Variants in MGMT observed in about 807,000 individuals in gnomAD.
MGMT encodes O-6-methylguanine-DNA methyltransferase.
Under a neutral mutation model 15.9 loss-of-function variants are expected in MGMT, and 14 were observed. The observed-to-expected ratio is 0.88, with a 90% CI of 0.58 to 1.37. The LOEUF is 1.37. Ranked by LOEUF, MGMT falls within the 40% of genes most tolerant of loss-of-function variation. The pLI is 0.00. For missense variants in MGMT, 282 were observed against 268.1 expected, an observed-to-expected ratio of 1.05 and a Z score of -0.36; for synonymous variants, 130 against 118.2, an observed-to-expected ratio of 1.10 and a Z score of -0.65.
In MGMT at chr10:129,516,840, T is replaced by C. The variant is rs1245864637; in HGVS notation, c.-12-19401T>C. On this transcript the variant is annotated intron_variant, in intron 1 of 4. Transcript: ENST00000651593. ...CAGCCAGGTTTTTGTCGTTAGCTTA[T>C]GGGTCGCTAATGTTATGTGCACTCA... Among the ~76,000 whole-genome samples the C allele has an allele frequency of 9.8e-5, 15 of 152,332 alleles. No homozygotes were observed. In the Middle Eastern group the frequency reaches 0.024, roughly 242 times the overall value.
intron 2 of MGMT, chr10:129,700,018 G>A (rs1479501688): frequency 6.6e-6 from 1 of 152,084 alleles, no homozygotes; most frequent in African/African-American, 2.4e-5. Context: ...TATTTTTGAT[G>A]TTTTGTGCGT....
chr10:129,554,432 T>C (rs1252541234), intron 2 of MGMT, among the ~76,000 whole-genome samples: 1 of 152,226 alleles, frequency 6.6e-6, no homozygotes, highest in East Asian at 1.9e-4. Flanking sequence ...TTAAGCATGA[T>C]TTTTCAAGGT....
chr10:129,583,189 C>G (rs931287673), intron 2 of MGMT, among the ~76,000 whole-genome samples: 1 of 152,146 alleles, frequency 6.6e-6, no homozygotes. Flanking sequence ...CTTGGGTGTA[C>G]TTTATTTAAC....
chr10:129,592,587 G>A (rs577255050), intron 2 of MGMT, among the ~76,000 whole-genome samples: 1 of 152,306 alleles, frequency 6.6e-6, no homozygotes, highest in South Asian at 2.1e-4. Context: ...TGGAAACTGT[G>A]GTTTGGGAGC....
intron 1 of MGMT, among the ~76,000 whole-genome samples, chr10:129,516,831 G>A (rs991886428): frequency 8.5e-5 from 13 of 152,122 alleles, no homozygotes; most frequent in African/African-American, 2.2e-4. Context: ...GGTTTTTGTC[G>A]TTAGCTTATG....
intron 2 of MGMT, among the ~76,000 whole-genome samples, chr10:129,676,016 T>C (rs944912628): frequency 1.3e-5 from 2 of 152,104 alleles, no homozygotes; most frequent in Non-Finnish European, 2.9e-5. Flanking sequence ...TGCGCCGGGC[T>C]CTCATGAGCA....
intron 2 of MGMT, among the ~76,000 whole-genome samples, chr10:129,620,422 G>A (rs894092605): frequency 6.6e-6 from 1 of 152,170 alleles, no homozygotes; most frequent in African/African-American, 2.4e-5. Flanking sequence ...GTCGAGAAAG[G>A]AGTGTCGAAG....
intron 3 of MGMT, among the ~76,000 whole-genome samples, chr10:129,752,296 A>T (rs1564785055): frequency 6.6e-6 from 1 of 150,604 alleles, no homozygotes; most frequent in African/African-American, 2.4e-5. Flanking sequence ...TCTTTTATTA[A>T]TTTTTTTTTA....
intron 3 of MGMT, among the ~76,000 whole-genome samples, chr10:129,747,660 C>T (rs1848709632): frequency 6.6e-6 from 1 of 152,078 alleles, no homozygotes; most frequent in African/African-American, 2.4e-5. Flanking sequence ...GATTCATGAA[C>T]CATTGTTGGT....
At chr10:129,510,207 A>T (rs60015726) in intron 1 of MGMT, among the ~76,000 whole-genome samples, 9,910 of 152,206 alleles carry the variant, frequency 0.065, 1,073 homozygotes, top group African/African-American at 0.23. Flanking sequence ...CTCGGAGAAT[A>T]TTTTCCGGTC....
chr10:129,561,006 C>T (rs1846271697), intron 2 of MGMT, among the ~76,000 whole-genome samples: 1 of 125,520 alleles, frequency 8.0e-6, no homozygotes, highest in South Asian at 2.5e-4. Context: ...TGTTCCTTTC[C>T]CAGCCAGCAG....
rs144253327 is a variant in MGMT at position 129,648,124 on chromosome 10, G to T, written c.126-59771G>T. ...CTAGATAGGTAATGGGAAATTGATTGTGACAATACAATATTAGAAACACAT... is the reference window on the plus strand; with the variant it reads ...CTAGATAGGTAATGGGAAATTGATTTTGACAATACAATATTAGAAACACAT... On this transcript the variant is annotated intron_variant, in intron 2 of 4. Coordinates refer to ENST00000651593, the MANE Select transcript of MGMT (RefSeq NM_002412.5). Among the ~76,000 whole-genome samples the T allele has an allele frequency of 2.0e-5, 3 of 152,190 alleles. No homozygotes were observed. In the East Asian group the frequency reaches 5.8e-4, roughly 29 times the overall value.
At chr10:129,542,404 G>A (rs1393235324) in intron 2 of MGMT, among the ~76,000 whole-genome samples, 1 of 152,070 alleles carries the variant, frequency 6.6e-6, no homozygotes. Flanking sequence ...GTTTTTTTCT[G>A]ACAGATTGGG....
intron 1 of MGMT, among the ~76,000 whole-genome samples, chr10:129,534,803 G>C (rs905570585): frequency 6.6e-6 from 1 of 151,876 alleles, no homozygotes; most frequent in East Asian, 2.0e-4. Flanking sequence ...GAACAGAGCA[G>C]GAAGGTGCCA....
At chr10:129,590,264 A>G (rs1276542096) in intron 2 of MGMT, among the ~76,000 whole-genome samples, 1 of 152,242 alleles carries the variant, frequency 6.6e-6, no homozygotes, top group African/African-American at 2.4e-5. Flanking sequence ...TAATATAAAA[A>G]TATAGTTCAC....
At chr10:129,620,480 C>T (rs982612500) in intron 2 of MGMT, among the ~76,000 whole-genome samples, 1 of 152,174 alleles carries the variant, frequency 6.6e-6, no homozygotes, top group African/African-American at 2.4e-5. Flanking sequence ...TTGGTTCTGT[C>T]AACTCTTGCC....
At chr10:129,502,489 TA>T (rs1845584392) in intron 1 of MGMT, among the ~76,000 whole-genome samples, 1 of 151,844 alleles carries the variant, frequency 6.6e-6, no homozygotes, top group South Asian at 2.1e-4. Context: ...GCTTTTTGAT[TA>T]AAAAAAGGAA....
intron 2 of MGMT, among the ~76,000 whole-genome samples, chr10:129,660,536 G>A (rs1283805761): frequency 6.6e-6 from 1 of 152,136 alleles, no homozygotes; most frequent in Non-Finnish European, 1.5e-5. Flanking sequence ...TGGGGAGTCG[G>A]CTGGGAAGGG....
chr10:129,765,044 G>A (rs1238872615), intron 4 of MGMT, among the ~76,000 whole-genome samples: 1 of 152,036 alleles, frequency 6.6e-6, no homozygotes, highest in East Asian at 1.9e-4. Context: ...TTCTTCTGGA[G>A]CCTGCCCTGG....
Sources: gnomAD v4.1 joint callset for allele counts (sites outside exome capture counted in the v4.1 genomes callset) on GRCh38, gnomAD v4.1.1 for gene constraint, MANE v1.5 for transcripts, NCBI Gene and HGNC (gene_info 2026-07-23, HGNC 2026-07-21) for gene names.